The following APP variants were observed in gnomAD, a reference collection of about 807,000 sequenced individuals.
APP encodes the protein amyloid beta precursor protein, also known as amyloid-beta precursor protein.
In APP, 31 loss-of-function variants were observed where a neutral mutation model predicts 101.4. That is an observed-to-expected ratio of 0.31 (90% CI 0.23 to 0.41). APP has a LOEUF of 0.41. Ranked by LOEUF, APP falls within the 10% of genes least tolerant of loss-of-function variation. The pLI is 1.00. For synonymous variants in APP, 366 were observed against 364.4 expected (o/e 1.00, Z -0.05); for missense variants, 839 against 1,003.7 (o/e 0.84, Z 2.22).
chr21:26,135,988 C>T (rs1262992928), intron 1 of APP, among the ~76,000 whole-genome samples: 1 of 151,240 alleles, frequency 6.6e-6, no homozygotes, highest in East Asian at 1.9e-4. Flanking sequence ...AAAAATTAGC[C>T]AGGCATCGTG....
At chr21:26,102,082 G>GTTT (rs35680514) in intron 2 of APP, among the ~76,000 whole-genome samples, 1,039 of 100,998 alleles carry the variant, frequency 0.01, 8 homozygotes, top group African/African-American at 0.03. Context: ...AAACTATGTG[G>GTTT]TTTTTTTTTT....
At position 26,146,877 on chromosome 21, in the gene APP, T is replaced by C. The variant is rs139819902; in HGVS notation, c.57+23687A>G. Among the ~76,000 whole-genome samples, 16 of 152,344 alleles carry C rather than the reference T, an allele frequency of 1.1e-4. No homozygotes were observed. In the East Asian group the frequency reaches 2.3e-3, roughly 22 times the overall value. On this transcript the variant is annotated intron_variant, in intron 1 of 17. Transcript: ENST00000346798. ...GGGTACATAATACTAGGTAATCCAGTATTGGTACTGGGTAAATAATTACCC... is the reference window on the plus strand; with the variant it reads ...GGGTACATAATACTAGGTAATCCAGCATTGGTACTGGGTAAATAATTACCC...
At chr21:26,158,559 T>C (rs1486901601) in intron 1 of APP, among the ~76,000 whole-genome samples, 3 of 152,212 alleles carry the variant, frequency 2.0e-5, no homozygotes. Context: ...AAAGGACTTC[T>C]ACAAAAGCTC....
At chr21:26,079,132 A>G (rs1175255811) in intron 3 of APP, among the ~76,000 whole-genome samples, 5 of 151,900 alleles carry the variant, frequency 3.3e-5, no homozygotes, top group Non-Finnish European at 7.4e-5. Context: ...GAGGGTTCTG[A>G]AGACAAAGGG....
chr21:26,076,249 T>C (rs2061495628), intron 3 of APP, among the ~76,000 whole-genome samples: 1 of 152,174 alleles, frequency 6.6e-6, no homozygotes, highest in Non-Finnish European at 1.5e-5. Context: ...TCCCTCAGGA[T>C]CCACATCATG....
At chr21:26,144,218 C>T (rs2063108290) in intron 1 of APP, among the ~76,000 whole-genome samples, 1 of 152,180 alleles carries the variant, frequency 6.6e-6, no homozygotes, top group Admixed American at 6.5e-5. Context: ...CACCTGGTCC[C>T]TCCCACTACA....
intron 6 of APP, among the ~76,000 whole-genome samples, chr21:26,013,737 TTC>T (rs1261250043): frequency 2.6e-5 from 4 of 152,276 alleles, no homozygotes; most frequent in Admixed American, 2.6e-4. Context: ...AACCACTGAA[TTC>T]TCTCTCACAC....
At chr21:25,927,400 C>G (rs2039947949) in intron 13 of APP, among the ~76,000 whole-genome samples, 1 of 152,198 alleles carries the variant, frequency 6.6e-6, no homozygotes, top group South Asian at 2.1e-4. Flanking sequence ...CTTCAATGGT[C>G]AAGAGAGATA....
At chr21:26,062,085 C>G (rs2046285960) in intron 3 of APP, among the ~76,000 whole-genome samples, 1 of 151,988 alleles carries the variant, frequency 6.6e-6, no homozygotes, top group Admixed American at 6.6e-5. Flanking sequence ...TGGCGCGCAC[C>G]TATAGTCCCA....
chr21:26,045,037 C>T (rs1290252135), intron 5 of APP, among the ~76,000 whole-genome samples: 1 of 151,988 alleles, frequency 6.6e-6, no homozygotes, highest in African/African-American at 2.4e-5. Context: ...TATTTGATAC[C>T]ATTAGGAAGT....
intron 3 of APP, among the ~76,000 whole-genome samples, chr21:26,079,521 C>T (rs1308741173): frequency 6.6e-6 from 1 of 152,152 alleles, no homozygotes; most frequent in Admixed American, 6.5e-5. Context: ...AGTATTAATT[C>T]CTCATACAGG....
chr21:25,938,954 G>GC (rs1019492080), intron 13 of APP, among the ~76,000 whole-genome samples: 1 of 152,104 alleles, frequency 6.6e-6, no homozygotes. Flanking sequence ...CCTACAGAGG[G>GC]CCCCCAGTTC....
intron 2 of APP, among the ~76,000 whole-genome samples, chr21:26,098,945 T>C (rs1330710401): frequency 6.6e-6 from 1 of 152,100 alleles, no homozygotes; most frequent in Non-Finnish European, 1.5e-5. Context: ...CCTGAATAGT[T>C]AAGGGAAAAA....
At chr21:26,006,132 A>G (rs1430494735) in intron 6 of APP, among the ~76,000 whole-genome samples, 3 of 152,180 alleles carry the variant, frequency 2.0e-5, no homozygotes, top group Non-Finnish European at 4.4e-5. Context: ...AATATCAGAG[A>G]TAATAATGGA....
At chr21:25,894,842 G>A (rs1053960931) in intron 16 of APP, among the ~76,000 whole-genome samples, 4 of 152,208 alleles carry the variant, frequency 2.6e-5, no homozygotes, top group Non-Finnish European at 4.4e-5. Flanking sequence ...TGAGCAAAAT[G>A]CTATCAAACA....
chr21:26,131,905 ATT>A (rs200108798), intron 1 of APP, among the ~76,000 whole-genome samples: 2 of 147,712 alleles, frequency 1.4e-5, no homozygotes, highest in African/African-American at 5.0e-5. Flanking sequence ...TTGAATTAAG[ATT>A]TTTTTTTTTT....
chr21:25,963,490 C>T (rs1026221876), intron 11 of APP, among the ~76,000 whole-genome samples: 4 of 152,134 alleles, frequency 2.6e-5, no homozygotes, highest in Admixed American at 2.0e-4. Flanking sequence ...ACTCACTGTA[C>T]GGGAATCACC....
rs2063495814 is a variant in APP at position 26,161,805 on chromosome 21, C to T, written c.57+8759G>A. 2.0e-5 allele frequency among the ~76,000 whole-genome samples: 3 copies of T among 152,226 alleles called. No homozygotes were observed. In the South Asian group the frequency reaches 6.2e-4, roughly 32 times the overall value. ...TCAGGATGGAGAATATTTGCTACTA[C>T]ATATCACTTTTCATATGATGGGTTT... is the stretch of plus-strand genomic sequence containing the variant. On this transcript the variant is annotated intron_variant, in intron 1 of 17. Coordinates refer to ENST00000346798, the MANE Select transcript of APP (RefSeq NM_000484.4).
At position 25,954,689 on chromosome 21, in the gene APP, C is replaced by A. The variant is rs778188860; in HGVS notation, c.1588G>T (p.Val530Phe). 1 of 1,612,544 alleles carries A rather than the reference C, an allele frequency of 6.2e-7. No homozygotes were observed. Among genetic ancestry groups the A allele is most frequent in the Admixed American group, 1.7e-5 (1 of 59,978 alleles). ...TAAATCACACGGAGGTGTGTCATAA[C>A]CTGCATCAAAGGATGACAACTCCAG... The part of the protein sequence containing the change: ...PKKAAQIRSQ[V>F]MTHLRVIYER... The change falls in exon 13 of 18, where the codon GTT becomes TTT. Residue 530 changes from valine to phenylalanine, a missense_variant and splice_region_variant. By Grantham distance (50) the Val-to-Phe change is conservative (BLOSUM62 -1). Transcript: ENST00000346798.
Sources: allele counts gnomAD v4.1 joint callset (sites outside exome capture counted in the v4.1 genomes callset), GRCh38; gene constraint gnomAD v4.1.1; transcripts MANE v1.5; gene names NCBI Gene and HGNC (gene_info 2026-07-23, HGNC 2026-07-21).